MARCHF1: variants seen among roughly 807,000 people sequenced by gnomAD.
MARCHF1 encodes the protein E3 ubiquitin-protein ligase MARCHF1.
In MARCHF1, 40 loss-of-function variants were observed where a neutral mutation model predicts 54.2. The ratio of observed to expected loss-of-function variants is 0.74; its 90% CI spans 0.57 to 0.96. The LOEUF (loss-of-function observed/expected upper bound fraction) is 0.96. Ranked by LOEUF, MARCHF1 falls within the 40% of genes least tolerant of loss-of-function variation. MARCHF1 has a pLI of 0.00. For missense variants in MARCHF1, 586 were observed against 656.5 expected, an observed-to-expected ratio of 0.89 and a Z score of 1.17; for synonymous variants, 236 against 236.3, an observed-to-expected ratio of 1.00 and a Z score of 0.01.
chr4:164,287,247 T>A (rs758663000), intron 1 of MARCHF1, among the ~76,000 whole-genome samples: 71 of 151,778 alleles, frequency 4.7e-4, no homozygotes, highest in Non-Finnish European at 8.4e-4. Context: ...ATAGTCAAAT[T>A]AGGGTTTTCA....
intron 3 of MARCHF1, among the ~76,000 whole-genome samples, chr4:163,958,037 G>T (rs1752266156): frequency 6.6e-6 from 1 of 151,996 alleles, no homozygotes; most frequent in South Asian, 2.1e-4. Context: ...CTTCATATCT[G>T]TTCCCTGGAC....
intron 7 of MARCHF1, among the ~76,000 whole-genome samples, chr4:163,603,210 A>G (rs1383587499): frequency 6.6e-6 from 1 of 152,148 alleles, no homozygotes. Flanking sequence ...GCTACTCACT[A>G]AAATATAATT....
At chr4:163,885,904 C>A (rs932748605) in intron 3 of MARCHF1, among the ~76,000 whole-genome samples, 1 of 148,764 alleles carries the variant, frequency 6.7e-6, no homozygotes, top group Non-Finnish European at 1.5e-5. Context: ...AGACCCGTCT[C>A]TAATATATAT....
rs146985458 is a variant in MARCHF1 at position 163,812,380 on chromosome 4, A to T, written c.111+41641T>A. On this transcript the variant is annotated intron_variant, in intron 4 of 9. Coordinates refer to ENST00000514618, the MANE Select transcript of MARCHF1 (RefSeq NM_001394959.1). ...ATACATATTGATTCTATTTCTCTGG[A>T]GAAACCCTGACTAATACATTCAGGT... Among the ~76,000 whole-genome samples, 3 of 152,158 alleles carry T rather than the reference A, an allele frequency of 2.0e-5. No homozygotes were observed. The East Asian group carries it at 5.8e-4, about 29-fold the overall frequency.
chr4:163,704,605 C>T (rs1744899097), intron 4 of MARCHF1, among the ~76,000 whole-genome samples: 1 of 151,188 alleles, frequency 6.6e-6, no homozygotes, highest in African/African-American at 2.4e-5. Flanking sequence ...ACTCGTAAGT[C>T]TTAATCGCCT....
intron 1 of MARCHF1, chr4:164,189,216 AG>A: frequency 3.5e-6 from 2 of 571,894 alleles, no homozygotes; most frequent in Non-Finnish European, 3.2e-6. Context: ...ATGTCAGGAA[AG>A]ACGATAGGGC....
intron 1 of MARCHF1, among the ~76,000 whole-genome samples, chr4:164,238,103 T>C (rs769902457): frequency 9.9e-5 from 15 of 152,064 alleles, no homozygotes; most frequent in Non-Finnish European, 1.9e-4. Flanking sequence ...GAAATTCATA[T>C]AGAATAGATT....
At chr4:164,072,362 C>T (rs1014015092) in intron 2 of MARCHF1, among the ~76,000 whole-genome samples, 17 of 152,012 alleles carry the variant, frequency 1.1e-4, no homozygotes, top group South Asian at 4.2e-4. Flanking sequence ...GAGGTAGGTT[C>T]GAGACCAGCT....
intron 1 of MARCHF1, chr4:164,197,094 A>ATCCTCCTCGTCCCCTCCACTCACG (rs778982180): frequency 1.2e-6 from 2 of 1,606,006 alleles, no homozygotes; most frequent in East Asian, 4.5e-5. Context: ...AACCTTCTTC[A>ATCCTCCTCGTCCCCTCCACTCACG]TCCTCCTCGT....
chr4:163,572,466 G>T (rs998833850), intron 8 of MARCHF1, among the ~76,000 whole-genome samples: 9 of 151,964 alleles, frequency 5.9e-5, no homozygotes, highest in African/African-American at 2.2e-4. Context: ...GTGGTTAAGT[G>T]CAGAACCAGA....
intron 1 of MARCHF1, among the ~76,000 whole-genome samples, chr4:164,158,351 G>A (rs1044622639): frequency 3.3e-5 from 5 of 152,052 alleles, no homozygotes; most frequent in Non-Finnish European, 7.4e-5. Flanking sequence ...AATATGGAGA[G>A]TGATAAAAGG....
intron 4 of MARCHF1, among the ~76,000 whole-genome samples, chr4:163,777,756 T>A (rs1747345831): frequency 6.6e-6 from 1 of 152,214 alleles, no homozygotes; most frequent in African/African-American, 2.4e-5. Flanking sequence ...ACTGTTTTCC[T>A]GTAAGTTTTA....
intron 3 of MARCHF1, among the ~76,000 whole-genome samples, chr4:163,944,980 A>G (rs1280291812): frequency 1.3e-5 from 2 of 152,206 alleles, no homozygotes; most frequent in African/African-American, 4.8e-5. Context: ...TTCATCCTTC[A>G]ATCTCCATAC....
In MARCHF1 at chr4:163,623,738, T is replaced by G. The variant is rs1457144560; in HGVS notation, c.163-10345A>C. Among the ~76,000 whole-genome samples, 3 of 152,210 alleles carry G rather than the reference T, an allele frequency of 2.0e-5. No homozygotes were observed. In the East Asian group the frequency reaches 5.8e-4, roughly 29 times the overall value. The stretch of plus-strand genomic sequence containing the variant: ...CTCCTTACTAATTTCATTACTGTCT[T>G]CAAAATGTATCCTTAAATTAACTTT... On this transcript the variant is annotated intron_variant, in intron 5 of 9. Coordinates refer to ENST00000514618, the MANE Select transcript of MARCHF1 (RefSeq NM_001394959.1).
At chr4:164,291,809 T>C (rs1238126228) in intron 1 of MARCHF1, among the ~76,000 whole-genome samples, 1 of 152,056 alleles carries the variant, frequency 6.6e-6, no homozygotes. Context: ...CCCCTGAATA[T>C]GGAGTTGGTT....
chr4:164,361,060 G>A (rs1730709441), intron 1 of MARCHF1, among the ~76,000 whole-genome samples: 1 of 151,578 alleles, frequency 6.6e-6, no homozygotes, highest in Non-Finnish European at 1.5e-5. Flanking sequence ...ATGGTACAGT[G>A]CTGTGTATCA....
rs184517092 is a variant in MARCHF1 at position 163,910,493 on chromosome 4, T to C, written c.-38-56324A>G. Reference sequence around the variant, plus strand: ...AAGCTTCCCAAATAGCAATCTTTTGTTGTTGTTGTTGTTTTGTTTTTGAGA... The same window carrying C: ...AAGCTTCCCAAATAGCAATCTTTTGCTGTTGTTGTTGTTTTGTTTTTGAGA... On this transcript the variant is annotated intron_variant, in intron 3 of 9. Transcript: ENST00000514618. Among the ~76,000 whole-genome samples the C allele has an allele frequency of 1.9e-3, 293 of 151,982 alleles. 1 individual carries two copies. The highest frequency in any genetic ancestry group is 6.9e-3 in the African/African-American group (287 of 41,426).
intron 2 of MARCHF1, among the ~76,000 whole-genome samples, chr4:164,026,276 C>A (rs759425066): frequency 2.0e-5 from 3 of 151,950 alleles, no homozygotes; most frequent in Non-Finnish European, 4.4e-5. Context: ...GGCAGAGACA[C>A]AGTGAAAAAG....
At chr4:164,147,537 A>G (rs377664004) in intron 1 of MARCHF1, among the ~76,000 whole-genome samples, 1,469 of 130,724 alleles carry the variant, frequency 0.011, 27 homozygotes, top group East Asian at 0.077. Context: ...CATGGATGAA[A>G]TTGGAAATCA....
Sources: gnomAD v4.1 joint callset for allele counts (sites outside exome capture counted in the v4.1 genomes callset) on GRCh38, gnomAD v4.1.1 for gene constraint, MANE v1.5 for transcripts, NCBI Gene and HGNC (gene_info 2026-07-23, HGNC 2026-07-21) for gene names.